The following TENM3 variants were observed in gnomAD, a reference collection of about 807,000 sequenced individuals.
TENM3 encodes teneurin transmembrane protein 3.
A neutral mutation model predicts 255.1 loss-of-function variants in TENM3; 63 were observed. The observed-to-expected ratio is 0.25, with a 90% CI of 0.20 to 0.30. The LOEUF is 0.30. TENM3 is among the 10% of genes least tolerant of loss of function. TENM3 has a pLI of 1.00. For synonymous variants in TENM3, 1,306 were observed against 1,322.3 expected (o/e 0.99, Z 0.27); for missense variants, 2,929 against 3,461.1 (o/e 0.85, Z 3.86).
At chr4:182,723,648 A>G (rs529640748) in intron 13 of TENM3, among the ~76,000 whole-genome samples, 1 of 152,326 alleles carries the variant, frequency 6.6e-6, no homozygotes, top group South Asian at 2.1e-4. Flanking sequence ...TAATAATCCA[A>G]CAAAATGTGT....
chr4:181,680,182 C>T, the TENM3 span, among the ~76,000 whole-genome samples: 12,362 of 152,078 alleles, frequency 0.081, 644 homozygotes, highest in Non-Finnish European at 0.12. Flanking sequence ...CTAATACCCT[C>T]CAGATTTATA....
At chr4:182,113,848 T>C in the TENM3 span, among the ~76,000 whole-genome samples, 1 of 152,110 alleles carries the variant, frequency 6.6e-6, no homozygotes, top group Non-Finnish European at 1.5e-5. Flanking sequence ...TTTTAAACAA[T>C]TGGATGGGAC....
chr4:182,256,433 T>C (rs567851804), intron 1 of TENM3, among the ~76,000 whole-genome samples: 46 of 152,328 alleles, frequency 3.0e-4, no homozygotes, highest in African/African-American at 1.0e-3. Context: ...CCACTGACTA[T>C]ATATATAAGC....
chr4:181,644,714 C>A, the TENM3 span, among the ~76,000 whole-genome samples: 1 of 151,704 alleles, frequency 6.6e-6, no homozygotes, highest in African/African-American at 2.4e-5. Context: ...TGTTTTTTCT[C>A]TTTTATGCTT....
chr4:182,101,719 CTAA>C, the TENM3 span, among the ~76,000 whole-genome samples: 1 of 152,030 alleles, frequency 6.6e-6, no homozygotes, highest in African/African-American at 2.4e-5. Flanking sequence ...GTGACCATAA[CTAA>C]TAATAATGTA....
chr4:181,813,258 G>A, the TENM3 span, among the ~76,000 whole-genome samples: 1 of 152,138 alleles, frequency 6.6e-6, no homozygotes, highest in Non-Finnish European at 1.5e-5. Flanking sequence ...TGGCACAGAG[G>A]AGTGGGGAAG....
chr4:182,123,688 A>C, the TENM3 span, among the ~76,000 whole-genome samples: 1 of 152,266 alleles, frequency 6.6e-6, no homozygotes, highest in East Asian at 1.9e-4. Flanking sequence ...TGTAATAATC[A>C]TGAAAAATGT....
intron 3 of TENM3, among the ~76,000 whole-genome samples, chr4:182,530,451 T>C (rs1314942487): frequency 1.3e-5 from 2 of 152,210 alleles, no homozygotes; most frequent in African/African-American, 2.4e-5. Context: ...ACATTAAAGC[T>C]AGAAGCAAGT....
intron 3 of TENM3, among the ~76,000 whole-genome samples, chr4:182,441,214 T>C (rs2151256697): frequency 6.6e-6 from 1 of 152,292 alleles, no homozygotes; most frequent in Admixed American, 6.5e-5. Flanking sequence ...AATGTATGTA[T>C]AGATTTTTCT....
the TENM3 span, among the ~76,000 whole-genome samples, chr4:181,638,919 A>G: frequency 1.3e-5 from 2 of 152,248 alleles, no homozygotes; most frequent in Non-Finnish European, 2.9e-5. Flanking sequence ...CAAAGGTCAT[A>G]TTGAAAGACT....
the TENM3 span, among the ~76,000 whole-genome samples, chr4:181,782,750 G>T: frequency 6.6e-6 from 1 of 151,976 alleles, no homozygotes; most frequent in South Asian, 2.1e-4. Context: ...TTTTTCTTGC[G>T]GGTGTTTAGT....
chr4:182,279,374 G>T (rs138864089), intron 1 of TENM3, among the ~76,000 whole-genome samples: 3 of 151,888 alleles, frequency 2.0e-5, no homozygotes, highest in Non-Finnish European at 2.9e-5. Flanking sequence ...ATAAAATGTC[G>T]ATCAGTACTC....
the TENM3 span, among the ~76,000 whole-genome samples, chr4:181,662,014 T>C: frequency 6.6e-6 from 1 of 152,186 alleles, no homozygotes; most frequent in African/African-American, 2.4e-5. Flanking sequence ...ATTCTTCATG[T>C]AGTAACATCA....
intron 24 of TENM3, among the ~76,000 whole-genome samples, chr4:182,783,187 C>T (rs1765325465): frequency 6.6e-6 from 1 of 152,220 alleles, no homozygotes; most frequent in East Asian, 1.9e-4. Context: ...TTTGCAGCAG[C>T]TGGTACTGGT....
chr4:181,727,219 A>G, the TENM3 span, among the ~76,000 whole-genome samples: 8 of 152,130 alleles, frequency 5.3e-5, no homozygotes. Context: ...CCTTTGAGCA[A>G]ATGGCTGCTT....
At chr4:182,743,467 CTT>C (rs1561189560) in intron 19 of TENM3, 48 bp downstream of exon 19, 4 of 1,584,582 alleles carry the variant, frequency 2.5e-6, no homozygotes, top group Non-Finnish European at 3.4e-6. Flanking sequence ...AAACGTGCCT[CTT>C]TAAAAAAAAG....
chr4:182,341,462 C>T (rs1764483909), intron 2 of TENM3, among the ~76,000 whole-genome samples: 2 of 152,142 alleles, frequency 1.3e-5, no homozygotes, highest in African/African-American at 2.4e-5. Flanking sequence ...AATTCTACAA[C>T]TTGCATTCTT....
chr4:182,305,926 C>G (rs1318887781), intron 1 of TENM3, among the ~76,000 whole-genome samples: 1 of 152,132 alleles, frequency 6.6e-6, no homozygotes, highest in Middle Eastern at 3.4e-3. Context: ...TTATTAACAC[C>G]CTGAATCCTG....
the TENM3 span, among the ~76,000 whole-genome samples, chr4:182,087,375 ACC>A: frequency 6.6e-6 from 1 of 152,114 alleles, no homozygotes; most frequent in Non-Finnish European, 1.5e-5. Context: ...AAGACACAAA[ACC>A]CTTACTGTGT....
Sources: gnomAD v4.1 joint callset for allele counts (sites outside exome capture counted in the v4.1 genomes callset) on GRCh38, gnomAD v4.1.1 for gene constraint, MANE v1.5 for transcripts, NCBI Gene and HGNC (gene_info 2026-07-23, HGNC 2026-07-21) for gene names.